The following SCNN1A variants were observed in gnomAD, a reference collection of about 807,000 sequenced individuals.
SCNN1A encodes the protein sodium channel epithelial 1 subunit alpha.
Under a neutral mutation model 68.6 loss-of-function variants are expected in SCNN1A, and 65 were observed. The ratio of observed to expected loss-of-function variants is 0.95; its 90% CI spans 0.78 to 1.16. SCNN1A has a LOEUF of 1.16. Ranked by LOEUF, SCNN1A falls within the 50% of genes most tolerant of loss-of-function variation. The pLI is 0.00. For missense variants in SCNN1A, 880 were observed against 865.9 expected (o/e 1.02, Z -0.20); for synonymous variants, 357 against 353.3 (o/e 1.01, Z -0.12).
chr12:6,357,043 G>A (rs1948508666), intron 4 of SCNN1A, among the ~76,000 whole-genome samples: 1 of 152,200 alleles, frequency 6.6e-6, no homozygotes, highest in Admixed American at 6.5e-5. Flanking sequence ...GCACAGAGGC[G>A]TGACATACTG....
At chr12:6,371,863 G>A (rs1214446803) in intron 2 of SCNN1A, among the ~76,000 whole-genome samples, 3 of 152,012 alleles carry the variant, frequency 2.0e-5, no homozygotes, top group Non-Finnish European at 2.9e-5. Flanking sequence ...ATGCAGTGGC[G>A]TGATCTCGGC....
intron 3 of SCNN1A, 40 bp downstream of exon 3, chr12:6,363,403 G>A: frequency 1.4e-6 from 2 of 1,472,276 alleles, no homozygotes; most frequent in South Asian, 2.8e-5. Context: ...CCAGGGGCCG[G>A]CGAGGGGCGG....
intron 12 of SCNN1A, 89 bp from the exon 13 acceptor site, chr12:6,348,342 C>T: frequency 6.2e-7 from 1 of 1,600,446 alleles, no homozygotes; most frequent in Non-Finnish European, 8.5e-7. Flanking sequence ...ACCAAGCTGT[C>T]TCCCTTCATC....
At chr12:6,356,289 G>C (rs374810966) in intron 4 of SCNN1A, 7 of 278,380 alleles carry the variant, frequency 2.5e-5, no homozygotes, top group Non-Finnish European at 5.0e-5. Flanking sequence ...AACTGCCCAT[G>C]CATCTAAGTG....
chr12:6,369,723 A>T (rs959919065), intron 2 of SCNN1A, among the ~76,000 whole-genome samples: 2 of 150,176 alleles, frequency 1.3e-5, no homozygotes, highest in African/African-American at 4.9e-5. Context: ...AGTCCCAGCT[A>T]CTCTGGAGGC....
At chr12:6,375,783 C>A, upstream of SCNN1A, 1 of 1,395,766 alleles carries the variant, frequency 7.2e-7, no homozygotes. Context: ...AAGATCTGAA[C>A]AAGTAGAAGG....
chr12:6,371,065 G>A (rs1242189696), intron 2 of SCNN1A, among the ~76,000 whole-genome samples: 1 of 152,154 alleles, frequency 6.6e-6, no homozygotes, highest in African/African-American at 2.4e-5. Context: ...AAGGTCTTCA[G>A]TGCTTTGTCC....
At position 6,351,478 on chromosome 12, in the gene SCNN1A, C is replaced by T. The variant is rs141721849; in HGVS notation, c.1361-2073G>A. Among the ~76,000 whole-genome samples the T allele has an allele frequency of 0.014, 2,128 of 152,084 alleles. 63 individuals carry two copies. The highest frequency in any genetic ancestry group is 0.049 in the African/African-American group (2,030 of 41,478). On this transcript the variant is annotated intron_variant, in intron 8 of 12. Coordinates refer to ENST00000228916, the MANE Select transcript of SCNN1A (RefSeq NM_001038.6). This position sits in a 1 kb window ranked among gnomAD's most constrained non-coding sequence, Gnocchi z 4.2. Reference sequence around the variant, plus strand: ...CTCTACTAAAAAATACAAAAATTAGCTGGGCTTGGCAGCATGCGCCTGTAT... The same window carrying T: ...CTCTACTAAAAAATACAAAAATTAGTTGGGCTTGGCAGCATGCGCCTGTAT...
At chr12:6,375,769 G>T, upstream of SCNN1A, 1 of 1,407,054 alleles carries the variant, frequency 7.1e-7, no homozygotes, top group Non-Finnish European at 9.2e-7. Flanking sequence ...GCAGGTGAGG[G>T]GCAAAGATCT....
chr12:6,353,693 C>T (rs1948431778), intron 8 of SCNN1A: 1 of 88,922 alleles, frequency 1.1e-5, no homozygotes, highest in Non-Finnish European at 2.0e-5. Context: ...GGGTCCACAC[C>T]ATTCTCCTGC....
In SCNN1A at chr12:6,373,062, G is replaced by T. The variant is rs891358941; in HGVS notation, c.416+1306C>A. 2.6e-5 allele frequency among the ~76,000 whole-genome samples: 4 copies of T among 152,208 alleles called. No individual in the cohort carries two copies. In the South Asian group the frequency reaches 8.3e-4, roughly 32 times the overall value. On this transcript the variant is annotated intron_variant, in intron 2 of 12. Coordinates refer to ENST00000228916, the MANE Select transcript of SCNN1A (RefSeq NM_001038.6). ...ACACCTTCGCAGCGTCTGTGCACACGGCAGCTTCCTAAGGAAATGGTCCCT... is the reference window on the plus strand; with the variant it reads ...ACACCTTCGCAGCGTCTGTGCACACTGCAGCTTCCTAAGGAAATGGTCCCT...
At chr12:6,348,307 G>C in intron 12 of SCNN1A, 54 bp from the exon 13 acceptor site, 1 of 1,612,290 alleles carries the variant, frequency 6.2e-7, no homozygotes, top group Non-Finnish European at 8.5e-7. Flanking sequence ...GATGGACTCT[G>C]GCAGAGGAGC....
chr12:6,357,183 G>A (rs1024921967), intron 4 of SCNN1A, among the ~76,000 whole-genome samples: 8 of 152,166 alleles, frequency 5.3e-5, no homozygotes, highest in African/African-American at 1.9e-4. Flanking sequence ...CACAGAGAGG[G>A]GACAAGTATA....
intron 8 of SCNN1A, 139 bp downstream of exon 8, chr12:6,354,299 G>A (rs1948453329): frequency 4.2e-6 from 3 of 712,858 alleles, no homozygotes; most frequent in East Asian, 2.5e-5. Flanking sequence ...ACTAAAGGCT[G>A]AAAAACAAGA....
chr12:6,353,843 C>CACT (rs1948441675), intron 8 of SCNN1A: 3 of 148,996 alleles, frequency 2.0e-5, no homozygotes, highest in Non-Finnish European at 4.4e-5. Context: ...CCCGCCGTGG[C>CACT]CTCCCAAAGT....
chr12:6,355,738 A>T (rs1393919164), intron 5 of SCNN1A, 39 bp downstream of exon 5: 1 of 1,399,604 alleles, frequency 7.1e-7, no homozygotes, highest in South Asian at 1.2e-5. Context: ...TGAGTGGCTG[A>T]AGCAGAGGGC....
At chr12:6,362,737 T>C (rs1948600972) in intron 3 of SCNN1A, among the ~76,000 whole-genome samples, 4 of 151,620 alleles carry the variant, frequency 2.6e-5, no homozygotes, top group South Asian at 2.1e-4. Flanking sequence ...TGGAGTACAG[T>C]GGTGTGATCA....
intron 3 of SCNN1A, 121 bp downstream of exon 3, chr12:6,363,322 G>T: frequency 2.8e-6 from 2 of 710,508 alleles, no homozygotes; most frequent in Non-Finnish European, 4.2e-6. Flanking sequence ...GCGAGCCCAC[G>T]AGGCCCCGCG....
In SCNN1A at chr12:6,363,317, C is replaced by T. The variant is rs1315382492; in HGVS notation, c.684+126G>A. 5.1e-5 allele frequency: 34 copies of T among 670,916 alleles called. No individual in the cohort carries two copies. In the South Asian group the frequency reaches 7.3e-4, roughly 14 times the overall value. 41.6% of individuals were successfully genotyped at this position (670,916 alleles called of 1,614,324 possible). The stretch of plus-strand genomic sequence containing the variant: ...ATTTACTTTTTTTTTTGCCCGCGAG[C>T]CCACGAGGCCCCGCGTGGTGTCACT... On this transcript the variant is annotated intron_variant, in intron 3 of 12. Transcript: ENST00000228916.
Sources: gnomAD v4.1 joint callset for allele counts (sites outside exome capture counted in the v4.1 genomes callset) on GRCh38, gnomAD v4.1.1 for gene constraint, Gnocchi (gnomAD v3.1) non-coding constraint, MANE v1.5 for transcripts, NCBI Gene and HGNC (gene_info 2026-07-23, HGNC 2026-07-21) for gene names.